Variants in SPATA13 observed in about 807,000 individuals in gnomAD.
The protein encoded by SPATA13 is spermatogenesis associated 13.
Under a neutral mutation model 104.0 loss-of-function variants are expected in SPATA13, and 50 were observed. The ratio of observed to expected loss-of-function variants is 0.48; its 90% CI spans 0.38 to 0.61. The LOEUF (loss-of-function observed/expected upper bound fraction) is 0.61. SPATA13 is among the 20% of genes least tolerant of loss of function. The probability of loss-of-function intolerance (pLI) is 0.00; values close to 1 mark genes in which losing one functional copy is unlikely to be tolerated. For missense variants in SPATA13, 1,524 were observed against 1,690.6 expected, an observed-to-expected ratio of 0.90 and a Z score of 1.73; for synonymous variants, 606 against 667.5, an observed-to-expected ratio of 0.91 and a Z score of 1.42.
intron 3 of SPATA13, among the ~76,000 whole-genome samples, chr13:24,090,498 T>G (rs1879877222): frequency 6.6e-6 from 1 of 152,200 alleles, no homozygotes. Context: ...TGTCCTCACC[T>G]GAGCTTTGAC....
chr13:24,046,721 T>C (rs1878163031), intron 3 of SPATA13, among the ~76,000 whole-genome samples: 1 of 152,000 alleles, frequency 6.6e-6, no homozygotes, highest in Admixed American at 6.6e-5. Flanking sequence ...TTGAGGACTT[T>C]ATGAATAAAG....
intron 2 of SPATA13, among the ~76,000 whole-genome samples, chr13:24,248,002 G>C (rs542593322): frequency 4.6e-5 from 7 of 152,170 alleles, no homozygotes; most frequent in Non-Finnish European, 8.8e-5. Flanking sequence ...TGCCTTCTCT[G>C]GTGGTTCTGG....
intron 3 of SPATA13, among the ~76,000 whole-genome samples, chr13:24,096,460 G>A (rs190881107): frequency 3.2e-4 from 49 of 152,128 alleles, no homozygotes; most frequent in East Asian, 2.7e-3. Context: ...ATAGCTGGGC[G>A]TGGTGGCAGG....
chr13:24,144,117 C>A (rs577084272), intron 3 of SPATA13, among the ~76,000 whole-genome samples: 1 of 152,226 alleles, frequency 6.6e-6, no homozygotes, highest in East Asian at 1.9e-4. Flanking sequence ...GTGGGATCTG[C>A]AAGGTCATTA....
chr13:24,208,524 A>G (rs1430535562), intron 1 of SPATA13, among the ~76,000 whole-genome samples: 1 of 151,618 alleles, frequency 6.6e-6, no homozygotes. Context: ...ATGACAGCTC[A>G]CATTGGCTTT....
intron 1 of SPATA13, among the ~76,000 whole-genome samples, chr13:24,189,681 TTTATATATAA>T (rs1490300292): frequency 0.14 from 551 of 4,018 alleles, 64 homozygotes; most frequent in Non-Finnish European, 0.58. Flanking sequence ...ATTATATATA[TTTATATATAA>T]TATATAATAT....
chr13:24,093,625 G>T (rs1401962497), intron 3 of SPATA13, among the ~76,000 whole-genome samples: 1 of 152,166 alleles, frequency 6.6e-6, no homozygotes, highest in Non-Finnish European at 1.5e-5. Flanking sequence ...TGTGGGGAGA[G>T]GCAAAGTCAC....
At chr13:24,112,587 G>A (rs575230312) in intron 3 of SPATA13, among the ~76,000 whole-genome samples, 133 of 152,222 alleles carry the variant, frequency 8.7e-4, no homozygotes, top group African/African-American at 3.1e-3. Flanking sequence ...CCCAGTAAAT[G>A]TTTGTTGGAT....
intron 1 of SPATA13, among the ~76,000 whole-genome samples, chr13:24,164,588 T>G (rs754576492): frequency 6.6e-6 from 1 of 152,124 alleles, no homozygotes; most frequent in Non-Finnish European, 1.5e-5. Flanking sequence ...GTGAGGATGG[T>G]TATAACTGAG....
chr13:24,007,990 C>T (rs946644313), intron 2 of SPATA13, among the ~76,000 whole-genome samples: 16 of 152,312 alleles, frequency 1.1e-4, no homozygotes, highest in African/African-American at 2.9e-4. Context: ...GAGGCAGGCG[C>T]GGCCCAAAGG....
intron 2 of SPATA13, among the ~76,000 whole-genome samples, chr13:24,227,865 C>A (rs1348765243): frequency 2.0e-5 from 3 of 151,900 alleles, no homozygotes; most frequent in Non-Finnish European, 4.4e-5. Context: ...CCACCACGCC[C>A]GGCCTCAGAA....
chr13:24,111,069 G>A (rs1880623495), intron 3 of SPATA13, among the ~76,000 whole-genome samples: 1 of 151,414 alleles, frequency 6.6e-6, no homozygotes, highest in African/African-American at 2.4e-5. Flanking sequence ...CACCATGTAT[G>A]GCTGATTTTT....
chr13:24,166,408 T>C (rs1293075696), intron 1 of SPATA13, among the ~76,000 whole-genome samples: 1 of 151,276 alleles, frequency 6.6e-6, no homozygotes, highest in Non-Finnish European at 1.5e-5. Flanking sequence ...AACAGAGGAG[T>C]GAGCAATTAG....
At chr13:24,122,492 C>G in intron 3 of SPATA13, 3 of 1,608,058 alleles carry the variant, frequency 1.9e-6, no homozygotes, top group Non-Finnish European at 2.6e-6. Flanking sequence ...TATTCTTGCC[C>G]ATCTTCATCA....
chr13:24,256,828 T>C (rs148331108), intron 4 of SPATA13, among the ~76,000 whole-genome samples: 3 of 152,382 alleles, frequency 2.0e-5, no homozygotes, highest in Admixed American at 6.5e-5. Flanking sequence ...GTGGCACTTA[T>C]TGGAGCCTTA....
At chr13:23,998,000 G>A (rs183437030) in intron 2 of SPATA13, among the ~76,000 whole-genome samples, 1 of 152,238 alleles carries the variant, frequency 6.6e-6, no homozygotes, top group Non-Finnish European at 1.5e-5. Context: ...TCTGGTCTTG[G>A]GCTATGATGA....
chr13:24,249,477 G>A lies in SPATA13; in HGVS notation c.1654G>A (p.Val552Ile), dbSNP rs768889557. The change falls in exon 3 of 13, where the codon GTC becomes ATC. Residue 552 changes from valine (V) to isoleucine (I), a missense_variant and splice_region_variant. By Grantham distance (29) the Val-to-Ile change is conservative. This residue lies in a region of SPATA13 where 1,089 missense variants were observed against 1,135.9 expected (regional missense o/e 0.96). Transcript: ENST00000382108. ...CACCTGACCTGTTCGCATTTGAAAG[G>A]TCGTCCCTGATGGCCCCTGGAGGCG... ...AGPEEKEKEE[V>I]VPDGPWRRSS... 78 of 1,548,466 alleles carry A rather than the reference G, an allele frequency of 5.0e-5. No homozygotes were observed. The highest frequency in any genetic ancestry group is 6.6e-5 in the Non-Finnish European group (75 of 1,145,028).
chr13:24,254,453 GC>G (rs2138669071), intron 4 of SPATA13: 1 of 152,430 alleles, frequency 6.6e-6, no homozygotes, highest in East Asian at 1.9e-4. Context: ...TCTCCCAGCT[GC>G]CTCTGTAACT....
chr13:24,000,697 A>G (rs1286162383), intron 2 of SPATA13, among the ~76,000 whole-genome samples: 1 of 152,092 alleles, frequency 6.6e-6, no homozygotes, highest in Admixed American at 6.5e-5. Flanking sequence ...GGAATTCAGG[A>G]AAGCCTTGGG....
Sources: allele counts gnomAD v4.1 joint callset (sites outside exome capture counted in the v4.1 genomes callset), GRCh38; gene constraint gnomAD v4.1.1; regional missense constraint gnomAD v4.1.1; transcripts MANE v1.5; gene names NCBI Gene and HGNC (gene_info 2026-07-23, HGNC 2026-07-21).